The following SPON1 variants were observed in gnomAD, a reference collection of about 807,000 sequenced individuals.
SPON1 encodes the protein spondin 1.
A neutral mutation model predicts 111.7 loss-of-function variants in SPON1; 52 were observed. The ratio of observed to expected loss-of-function variants is 0.47; its 90% CI spans 0.37 to 0.59. The LOEUF (loss-of-function observed/expected upper bound fraction) is 0.59, where lower values mean the gene tolerates loss of function less well. Ranked by LOEUF, SPON1 falls within the 20% of genes least tolerant of loss-of-function variation. SPON1 has a pLI of 0.00. For synonymous variants in SPON1, 410 were observed against 395.8 expected (o/e 1.04, Z -0.43); for missense variants, 957 against 1,068.5 (o/e 0.90, Z 1.46).
chr11:14,040,410 AACAC>A (rs1166946797), intron 2 of SPON1, among the ~76,000 whole-genome samples: 3 of 152,278 alleles, frequency 2.0e-5, no homozygotes, highest in South Asian at 2.1e-4. Context: ...AATTCTAAAT[AACAC>A]ACACACACTC....
intron 6 of SPON1, among the ~76,000 whole-genome samples, chr11:14,162,635 G>T (rs1420389927): frequency 1.3e-5 from 2 of 152,168 alleles, no homozygotes; most frequent in Admixed American, 6.6e-5. Flanking sequence ...ACTTGCCTCT[G>T]TTGAGTCCTT....
At position 14,267,130 on chromosome 11, in the gene SPON1, A is replaced by T. The variant is rs919373891; in HGVS notation, c.*1443A>T. On this transcript the variant is annotated 3_prime_UTR_variant, in exon 16 of 16. Transcript: ENST00000576479. The stretch of plus-strand genomic sequence containing the variant: ...ACGAATTTGTATTAAACACATCAGA[A>T]TATTTCCAAATACAACATAGTATAG... 6.6e-6 allele frequency: 1 copy of T among 152,220 alleles called. No homozygotes were observed. The highest frequency in any genetic ancestry group is 1.5e-5 in the Non-Finnish European group (1 of 68,034). The allele number at this position is 152,220 out of a possible 1,614,324, so 9.4% of individuals were successfully genotyped here.
chr11:14,255,844 A>G (rs1849101207), intron 9 of SPON1, 57 bp downstream of exon 9: 4 of 1,571,380 alleles, frequency 2.5e-6, no homozygotes, highest in Admixed American at 3.5e-5. Context: ...TGCCAGGGAG[A>G]TTGTACACCC....
chr11:14,197,163 G>A (rs1848411022), intron 6 of SPON1, among the ~76,000 whole-genome samples: 1 of 152,156 alleles, frequency 6.6e-6, no homozygotes, highest in African/African-American at 2.4e-5. Context: ...AAATACTGGT[G>A]AACTGTATGT....
chr11:14,113,925 T>C (rs1849247418), intron 5 of SPON1, among the ~76,000 whole-genome samples: 1 of 152,138 alleles, frequency 6.6e-6, no homozygotes. Flanking sequence ...TAAATGTTTC[T>C]GCATACAGAG....
At chr11:14,170,906 T>C (rs1172902953) in intron 6 of SPON1, among the ~76,000 whole-genome samples, 1 of 152,186 alleles carries the variant, frequency 6.6e-6, no homozygotes, top group Non-Finnish European at 1.5e-5. Flanking sequence ...CAGTATTTTA[T>C]TGAGGATTTT....
chr11:14,048,923 C>T (rs1848688705), intron 3 of SPON1, among the ~76,000 whole-genome samples: 1 of 152,156 alleles, frequency 6.6e-6, no homozygotes, highest in African/African-American at 2.4e-5. Context: ...AGAACACACT[C>T]ATTTGGTAAA....
At chr11:14,139,112 A>G (rs1192297269) in intron 6 of SPON1, among the ~76,000 whole-genome samples, 1 of 152,092 alleles carries the variant, frequency 6.6e-6, no homozygotes, top group African/African-American at 2.4e-5. Context: ...CAAAGCCTGA[A>G]TACCCTTTAT....
chr11:14,098,186 C>T (rs1299210449), intron 5 of SPON1, among the ~76,000 whole-genome samples: 1 of 152,114 alleles, frequency 6.6e-6, no homozygotes, highest in Non-Finnish European at 1.5e-5. Context: ...TTAGTAGAGA[C>T]GGGGTTTCAC....
chr11:14,121,998 G>T (rs1021426752), intron 5 of SPON1, among the ~76,000 whole-genome samples: 11 of 150,944 alleles, frequency 7.3e-5, no homozygotes, highest in Non-Finnish European at 1.3e-4. Flanking sequence ...GTCTTTTATC[G>T]CTTTTTGTTG....
At chr11:14,233,250 C>T (rs12574121) in intron 6 of SPON1, among the ~76,000 whole-genome samples, 21,201 of 152,124 alleles carry the variant, frequency 0.14, 1,721 homozygotes, top group Admixed American at 0.25. Context: ...CAGCAGATAA[C>T]GCTGAGCCGA....
chr11:14,265,427 G>A, intron 15 of SPON1, 97 bp from the exon 16 acceptor site: 2 of 1,351,206 alleles, frequency 1.5e-6, no homozygotes, highest in Non-Finnish European at 1.0e-6. Context: ...GAGCAGAGGA[G>A]GAGCCCAGAC....
intron 6 of SPON1, among the ~76,000 whole-genome samples, chr11:14,152,685 A>T (rs562014583): frequency 6.6e-6 from 1 of 152,244 alleles, no homozygotes; most frequent in African/African-American, 2.4e-5. Context: ...ATATGTAACC[A>T]AGAAACACAG....
intron 3 of SPON1, among the ~76,000 whole-genome samples, chr11:14,062,657 G>T (rs1848800013): frequency 6.6e-6 from 1 of 152,200 alleles, no homozygotes; most frequent in African/African-American, 2.4e-5. Context: ...ATTAAATACA[G>T]TGCAAAATGT....
intron 4 of SPON1, 127 bp downstream of exon 4, chr11:14,075,545 C>T (rs782443401): frequency 3.6e-5 from 24 of 662,006 alleles, no homozygotes; most frequent in African/African-American, 3.3e-4. Flanking sequence ...TGCTTCCTCA[C>T]GTAGCTCCGA....
In SPON1 at chr11:14,018,982, A is replaced by G. The variant is rs566212941; in HGVS notation, c.346-22539A>G. 2.0e-4 allele frequency among the ~76,000 whole-genome samples: 30 copies of G among 152,338 alleles called. No individual in the cohort carries two copies. In the South Asian group the frequency reaches 6.0e-3, roughly 31 times the overall value. On this transcript the variant is annotated intron_variant, in intron 2 of 15. Transcript: ENST00000576479. Reference sequence around the variant, plus strand: ...ATGTTTAGAAGGTAGAATTGTCAGTATGTGGTGACCAGTTGGACATGGGGT... The same window carrying G: ...ATGTTTAGAAGGTAGAATTGTCAGTGTGTGGTGACCAGTTGGACATGGGGT...
At chr11:14,000,460 G>C (rs1848308248) in intron 2 of SPON1, among the ~76,000 whole-genome samples, 1 of 152,164 alleles carries the variant, frequency 6.6e-6, no homozygotes, top group Non-Finnish European at 1.5e-5. Context: ...AACTCCACAA[G>C]GGTATTGCTT....
chr11:14,204,978 C>T (rs781938923), intron 6 of SPON1, among the ~76,000 whole-genome samples: 2 of 152,144 alleles, frequency 1.3e-5, no homozygotes, highest in South Asian at 2.1e-4. Flanking sequence ...TGAGCCACCG[C>T]GCCTGGCCGA....
At chr11:14,172,492 A>G (rs9735262) in intron 6 of SPON1, among the ~76,000 whole-genome samples, 55,588 of 151,366 alleles carry the variant, frequency 0.37, 10,991 homozygotes, top group East Asian at 0.55. Context: ...GCCCATTTAC[A>G]TTTAAGGTTA....
Sources: gnomAD v4.1 joint callset for allele counts (sites outside exome capture counted in the v4.1 genomes callset) on GRCh38, gnomAD v4.1.1 for gene constraint, MANE v1.5 for transcripts, NCBI Gene and HGNC (gene_info 2026-07-23, HGNC 2026-07-21) for gene names.